Variants in CNTNAP1 observed in about 807,000 individuals in gnomAD.
CNTNAP1 encodes contactin associated protein 1.
A neutral mutation model predicts 161.5 loss-of-function variants in CNTNAP1; 80 were observed. That is an observed-to-expected ratio of 0.50 (90% CI 0.41 to 0.60). The LOEUF (loss-of-function observed/expected upper bound fraction) is 0.60, where lower values mean the gene tolerates loss of function less well. Among genes scored for constraint, CNTNAP1 ranks in the 20% least tolerant of loss-of-function variants. The probability of loss-of-function intolerance (pLI) is 0.00; values close to 1 mark genes in which losing one functional copy is unlikely to be tolerated. For missense variants in CNTNAP1, 1,464 were observed against 1,854.8 expected (o/e 0.79, Z 3.87); for synonymous variants, 695 against 733.1 (o/e 0.95, Z 0.84).
In CNTNAP1 at chr17:42,689,685, T is replaced by C. The variant is rs534497595; in HGVS notation, c.1735+58T>C. Reference sequence around the variant, plus strand: ...ACAAGGGAGGTCAATAGAAGGTTGCTGGGGATCATCAGGCTGCTAGAGATG... The same window carrying C: ...ACAAGGGAGGTCAATAGAAGGTTGCCGGGGATCATCAGGCTGCTAGAGATG... On this transcript the variant is annotated intron_variant, in intron 11 of 23. Coordinates refer to ENST00000264638, the MANE Select transcript of CNTNAP1 (RefSeq NM_003632.3). 32 of 1,404,074 alleles carry C rather than the reference T, an allele frequency of 2.3e-5. No homozygotes were observed. In the South Asian group the frequency reaches 3.6e-4, roughly 16 times the overall value. The allele number at this position is 1,404,074 out of a possible 1,614,324, so 87.0% of individuals were successfully genotyped here.
chr17:42,698,494 C>G (rs899303385), intron 23 of CNTNAP1, 124 bp from the exon 24 acceptor site: 7 of 737,642 alleles, frequency 9.5e-6, no homozygotes, highest in Non-Finnish European at 1.5e-5. Flanking sequence ...GGTGAAATCC[C>G]AAAGTGTGTG....
At chr17:42,697,509 G>A in intron 21 of CNTNAP1, 45 bp from the exon 22 acceptor site, 3 of 1,611,680 alleles carry the variant, frequency 1.9e-6, no homozygotes, top group Non-Finnish European at 2.5e-6. Flanking sequence ...GAGTGGCAGG[G>A]CCTTTGGGTC....
Position 42,691,683 on chromosome 17 carries a change from T to C in CNTNAP1, c.2345-123T>C. ...GCTCCTCTTTCATTCCACTCCTTAG[T>C]CTCCCCTCCGTCACCTCAAACCCTC... On this transcript the variant is annotated intron_variant, in intron 15 of 23. Coordinates refer to ENST00000264638, the MANE Select transcript of CNTNAP1 (RefSeq NM_003632.3). The surrounding 1 kb of genome is among the most constrained non-coding windows in gnomAD (Gnocchi z 4.3). 7.5e-7 allele frequency: 1 copy of C among 1,341,948 alleles called. No homozygotes were observed. 83.1% of individuals were successfully genotyped at this position (1,341,948 alleles called of 1,614,324 possible).
At chr17:42,688,817 C>T (rs996495537) in intron 9 of CNTNAP1, 59 bp from the exon 10 acceptor site, 20 of 1,597,434 alleles carry the variant, frequency 1.3e-5, no homozygotes, top group Non-Finnish European at 1.5e-5. Context: ...CAGCATGTCC[C>T]TGGGGGAGGG....
At chr17:42,695,971 G>A (rs2053147192) in intron 19 of CNTNAP1, 54 bp from the exon 20 acceptor site, 1 of 1,605,750 alleles carries the variant, frequency 6.2e-7, no homozygotes, top group Non-Finnish European at 8.5e-7. Context: ...CGTGCTGTTA[G>A]AAGATAGGAG....
At position 42,695,606 on chromosome 17, in the gene CNTNAP1, C is replaced by A; in HGVS notation, c.3078C>A (p.His1026Gln). The change falls in exon 19 of 24, where the codon CAC (histidine) becomes CAA (glutamine). Residue 1026 changes from histidine (H) to glutamine (Q), a missense_variant. Physicochemically the swap from His to Gln is conservative, Grantham distance 24 (BLOSUM62 0). Transcript: ENST00000264638. ...GCTCTGCAGCCAGGGAGTTCTCCCACATGCTGAGCCGGCCAGTGCCAGGCT... is the reference window on the plus strand; with the variant it reads ...GCTCTGCAGCCAGGGAGTTCTCCCAAATGCTGAGCCGGCCAGTGCCAGGCT... The part of the protein sequence containing the change: ...ALRSAAREFS[H>Q]MLSRPVPGYE... 1 of 1,614,188 alleles carries A rather than the reference C, an allele frequency of 6.2e-7. No homozygotes were observed.
chr17:42,691,548 C>G lies in CNTNAP1; in HGVS notation c.2344+37C>G, dbSNP rs755872808. 1 of 1,610,624 alleles carries G rather than the reference C, an allele frequency of 6.2e-7. No individual in the cohort carries two copies. Among genetic ancestry groups the G allele is most frequent in the South Asian group, 1.1e-5 (1 of 90,556 alleles). On this transcript the variant is annotated intron_variant, in intron 15 of 23. Transcript: ENST00000264638. This position sits in a 1 kb window ranked among gnomAD's most constrained non-coding sequence, Gnocchi z 4.3. The stretch of plus-strand genomic sequence containing the variant: ...TCCCCTTTTGTGTGCCCTCCCAGAG[C>G]TGACTCTCCAGTTTCCAAAATCTAG...
intron 1 of CNTNAP1, chr17:42,683,147 C>A: frequency 1.7e-6 from 1 of 590,368 alleles, no homozygotes; most frequent in Non-Finnish European, 2.9e-6. Context: ...GGTTGGGATC[C>A]AAGCAGGAGC....
chr17:42,691,726 C>A lies in CNTNAP1; in HGVS notation c.2345-80C>A. The A allele has an allele frequency of 6.7e-7, 1 of 1,487,982 alleles. No homozygotes were observed. Among genetic ancestry groups the A allele is most frequent in the African/African-American group, 1.4e-5 (1 of 72,426 alleles). 92.2% of individuals were successfully genotyped at this position (1,487,982 alleles called of 1,614,324 possible). A position where few individuals can be genotyped will look rare whatever the true frequency, so the allele number is the denominator to read the frequency against. On this transcript the variant is annotated intron_variant, in intron 15 of 23. Coordinates refer to ENST00000264638, the MANE Select transcript of CNTNAP1 (RefSeq NM_003632.3). This position sits in a 1 kb window ranked among gnomAD's most constrained non-coding sequence, Gnocchi z 4.3. ...AAACCCTCCCCCTTTGCCCAACCTTCCCTGCCCCCAACCCCAGGTTCTCTT... is the reference window on the plus strand; with the variant it reads ...AAACCCTCCCCCTTTGCCCAACCTTACCTGCCCCCAACCCCAGGTTCTCTT...
rs754911431 is a variant in CNTNAP1, at chr17:42,690,155, T to C, written c.1803T>C (p.Asp601=). The C allele has an allele frequency of 6.2e-7, 1 of 1,614,042 alleles. No individual in the cohort carries two copies. The highest frequency in any genetic ancestry group is 1.3e-5 in the African/African-American group (1 of 74,998). The part of the protein sequence containing the change: ...SGKTSGNFTI[D]PDGSGPLKPF... ...AAACTTCTGGAAACTTCACCATTGATCCTGATGGCAGTGGCCCCCTGAAGC... is the reference window on the plus strand; with the variant it reads ...AAACTTCTGGAAACTTCACCATTGACCCTGATGGCAGTGGCCCCCTGAAGC... The change falls in exon 12 of 24, where the codon GAT becomes GAC. Residue 601 remains aspartate (D), a synonymous_variant. Coordinates refer to ENST00000264638, the MANE Select transcript of CNTNAP1 (RefSeq NM_003632.3).
Position 42,687,590 on chromosome 17 carries a change from T to C in CNTNAP1, c.1045-130T>C. 1.1e-5 allele frequency: 14 copies of C among 1,240,954 alleles called. No homozygotes were observed. Among genetic ancestry groups the C allele is most frequent in the Non-Finnish European group, 1.6e-5 (14 of 880,560 alleles). 76.9% of individuals were successfully genotyped at this position (1,240,954 alleles called of 1,614,324 possible). The stretch of plus-strand genomic sequence containing the variant: ...TGGAGGGGAAGAGGTCACGTCATGG[T>C]TGGAGATCTCACCCCCGCCAACACC... On this transcript the variant is annotated intron_variant, in intron 7 of 23. Coordinates refer to ENST00000264638, the MANE Select transcript of CNTNAP1 (RefSeq NM_003632.3). The surrounding 1 kb of genome is among the most constrained non-coding windows in gnomAD (Gnocchi z 4.7).
At position 42,689,009 on chromosome 17, in the gene CNTNAP1, T is replaced by A; in HGVS notation, c.1590T>A (p.Tyr530Ter). 1 of 1,607,124 alleles carries A rather than the reference T, an allele frequency of 6.2e-7. No homozygotes were observed. The highest frequency in any genetic ancestry group is 8.5e-7 in the Non-Finnish European group (1 of 1,175,968). The change falls in exon 10 of 24, where the codon TAT (tyrosine) becomes TAA (stop). Residue 530 changes from tyrosine (Y) to a stop codon, truncating the protein, a stop_gained. Transcript: ENST00000264638. LOFTEE classifies it high-confidence loss of function. ...TGGAGGGCCGGCGGCTTGGATTCTA[T>A]GCTGAGGTCCTCTTTGATACATGTG... Reference protein sequence around the residue: ...TLVEGRRLGFYAEVLFDTCGI... With the variant: ...TLVEGRRLGF
chr17:42,682,974 G>A, intron 1 of CNTNAP1, 78 bp downstream of exon 1: 2 of 1,362,652 alleles, frequency 1.5e-6, no homozygotes, highest in South Asian at 2.7e-5. Flanking sequence ...ACCGCATTGC[G>A]GCTGGGTGGT....
At position 42,687,843 on chromosome 17, in the gene CNTNAP1, C is replaced by T; in HGVS notation, c.1168C>T (p.Arg390Cys). The T allele has an allele frequency of 6.2e-7, 1 of 1,614,248 alleles. No homozygotes were observed. Among genetic ancestry groups the T allele is most frequent in the Admixed American group, 1.7e-5 (1 of 60,034 alleles). Residue 390 changes from arginine to cysteine, a missense_variant, in exon 8 of 24, where the codon CGC (arginine) becomes TGC (cysteine). Physicochemically the swap from Arg to Cys is radical, Grantham distance 180. Around this residue, in one of 3 missense-constraint regions of CNTNAP1, gnomAD observed 1,383 missense variants for 1,765.0 expected, o/e 0.78. Transcript: ENST00000264638. The surrounding 1 kb of genome is among the most constrained non-coding windows in gnomAD (Gnocchi z 4.7). Reference protein sequence around the residue: ...RGRLAVSFRFRTWDLTGLLLF... With the variant: ...RGRLAVSFRFCTWDLTGLLLF... ...CCGCCTGGCAGTCTCATTTCGCTTC[C>T]GCACCTGGGACCTCACCGGGCTTCT... is the stretch of plus-strand genomic sequence containing the variant.
rs772613961 is a variant in CNTNAP1 at position 42,690,810 on chromosome 17, C to T, written c.1927C>T (p.Arg643Trp). The change falls in exon 13 of 24, where the codon CGG becomes TGG. Residue 643 changes from arginine to tryptophan, a missense_variant. This residue lies in a region of CNTNAP1 where 1,383 missense variants were observed against 1,765.0 expected (regional missense o/e 0.78). Transcript: ENST00000264638. ...TTRVTGSSME[R>W]PFLGAIQYWN... Reference sequence around the variant, plus strand: ...TCGAGTGACAGGTTCCAGCATGGAGCGGCCATTCCTGGGGGCTATCCAGTA... The same window carrying T: ...TCGAGTGACAGGTTCCAGCATGGAGTGGCCATTCCTGGGGGCTATCCAGTA... 45 of 1,614,066 alleles carry T rather than the reference C, an allele frequency of 2.8e-5. No individual in the cohort carries two copies. Among genetic ancestry groups the T allele is most frequent in the Middle Eastern group, 1.6e-4 (1 of 6,084 alleles).
intron 11 of CNTNAP1, 61 bp from the exon 12 acceptor site, chr17:42,690,019 CCCGAGCCG>C (rs1261413479): frequency 6.4e-7 from 1 of 1,561,478 alleles, no homozygotes. Flanking sequence ...GGATTACAGG[CCCGAGCCG>C]CCGCACCTGG....
chr17:42,693,546 G>C lies in CNTNAP1; in HGVS notation c.2992+10G>C. 6.2e-7 allele frequency: 1 copy of C among 1,610,760 alleles called. No individual in the cohort carries two copies. Among genetic ancestry groups the C allele is most frequent in the Non-Finnish European group, 8.5e-7 (1 of 1,177,102 alleles). On this transcript the variant is annotated intron_variant, in intron 18 of 23. Transcript: ENST00000264638. ...CCATACTGCAACCACGGTAAGTGCT[G>C]CTGGTTATGGGGCAACAGGGAGCCA...
chr17:42,690,323 C>A, intron 12 of CNTNAP1, 116 bp downstream of exon 12: 2 of 1,271,198 alleles, frequency 1.6e-6, no homozygotes, highest in South Asian at 1.3e-5. Flanking sequence ...AGGGGAAGGG[C>A]ATACTGAGGA....
In CNTNAP1 at chr17:42,686,135, C is replaced by T; in HGVS notation, c.894C>T (p.Asp298=). Residue 298 remains aspartate (D), a synonymous_variant, in exon 6 of 24, where the codon GAC becomes GAT. Coordinates refer to ENST00000264638, the MANE Select transcript of CNTNAP1 (RefSeq NM_003632.3). The part of the protein sequence containing the change: ...LNGDFERLNL[D]TEMFIGGLVG... ...GAGACTTCGAGAGGCTGAACCTGGACACTGAGGTGAGAGACTAGGGAGGTG... is the reference window on the plus strand; with the variant it reads ...GAGACTTCGAGAGGCTGAACCTGGATACTGAGGTGAGAGACTAGGGAGGTG... 6.2e-7 allele frequency: 1 copy of T among 1,614,152 alleles called. No individual in the cohort carries two copies. The highest frequency in any genetic ancestry group is 1.3e-5 in the African/African-American group (1 of 75,050).
Sources: allele counts gnomAD v4.1 joint callset, GRCh38; gene constraint gnomAD v4.1.1; regional missense constraint gnomAD v4.1.1; non-coding constraint Gnocchi (gnomAD v3.1); transcripts MANE v1.5; gene names NCBI Gene and HGNC (gene_info 2026-07-23, HGNC 2026-07-21).